The following CACNA1A variants were observed in gnomAD, a reference collection of about 807,000 sequenced individuals.
CACNA1A encodes voltage-dependent P/Q-type calcium channel subunit alpha-1A.
Under a neutral mutation model 262.4 loss-of-function variants are expected in CACNA1A, and 57 were observed. The ratio of observed to expected loss-of-function variants is 0.22; its 90% CI spans 0.18 to 0.27. The LOEUF is 0.27. Among genes scored for constraint, CACNA1A ranks in the 10% least tolerant of loss-of-function variants. The pLI is 1.00. For missense variants in CACNA1A, 2,526 were observed against 3,562.8 expected (o/e 0.71, Z 7.41); for synonymous variants, 1,431 against 1,419.3 (o/e 1.01, Z -0.18).
At chr19:13,466,159 C>T (rs2061232102) in intron 1 of CACNA1A, among the ~76,000 whole-genome samples, 1 of 151,884 alleles carries the variant, frequency 6.6e-6, no homozygotes, top group Non-Finnish European at 1.5e-5. Context: ...GGTTAATTTT[C>T]TGTTATGCAA....
chr19:13,393,824 C>G (rs1295130599), intron 3 of CACNA1A, among the ~76,000 whole-genome samples: 6 of 109,518 alleles, frequency 5.5e-5, no homozygotes, highest in Non-Finnish European at 1.2e-4. Context: ...CTCTCTCTCT[C>G]TCTCTCTCTC....
At chr19:13,381,058 G>A (rs2059515823) in intron 3 of CACNA1A, among the ~76,000 whole-genome samples, 1 of 152,070 alleles carries the variant, frequency 6.6e-6, no homozygotes, top group East Asian at 1.9e-4. Context: ...TTTGAGGCAT[G>A]AGCCACTATG....
intron 3 of CACNA1A, among the ~76,000 whole-genome samples, chr19:13,411,916 A>G (rs745320410): frequency 1.3e-5 from 2 of 151,822 alleles, no homozygotes; most frequent in Non-Finnish European, 2.9e-5. Flanking sequence ...GGGTCTCACT[A>G]TGTTGCCCAG....
At chr19:13,268,893 C>CTTTTT (rs3050832) in intron 24 of CACNA1A, among the ~76,000 whole-genome samples, 114 of 107,912 alleles carry the variant, frequency 1.1e-3, no homozygotes, top group African/African-American at 3.2e-3. Flanking sequence ...ATAGATTCTA[C>CTTTTT]TTTTTTTTTT....
rs34849471 is a variant in CACNA1A, at chr19:13,360,265, G to GTATATATATATATATATATA, written c.785-486_785-467dup. ...ATTAGGTGTCTGTGTGTGTGTGTGT[G>GTATATATATATATATATATA]TATATATATATATATATATATGAAG... On this transcript the variant is annotated intron_variant, in intron 5 of 46. Transcript: ENST00000360228. Among the ~76,000 whole-genome samples the GTATATATATATATATATATA allele has an allele frequency of 5.6e-4, 69 of 124,212 alleles. 1 individual carries two copies. The highest frequency in any genetic ancestry group is 1.4e-3 in the East Asian group (5 of 3,514). 81.5% of individuals were successfully genotyped at this position (124,212 alleles called of 152,430 possible).
intron 4 of CACNA1A, among the ~76,000 whole-genome samples, chr19:13,369,635 CA>C (rs2059283228): frequency 6.6e-6 from 1 of 152,194 alleles, no homozygotes; most frequent in South Asian, 2.1e-4. Flanking sequence ...CATAGGTGGT[CA>C]TTAAACAGAG....
chr19:13,384,098 G>A (rs2059567623), intron 3 of CACNA1A, among the ~76,000 whole-genome samples: 1 of 152,178 alleles, frequency 6.6e-6, no homozygotes, highest in Non-Finnish European at 1.5e-5. Flanking sequence ...TGATAGGCGT[G>A]AGCCACCATG....
chr19:13,261,403 C>T lies in CACNA1A; in HGVS notation c.4250+47G>A, dbSNP rs745608477. 9.3e-6 allele frequency: 14 copies of T among 1,513,390 alleles called. No homozygotes were observed. In the East Asian group the frequency reaches 3.2e-4, roughly 34 times the overall value. The allele number at this position is 1,513,390 out of a possible 1,614,324, so 93.7% of individuals were successfully genotyped here. Reference sequence around the variant, plus strand: ...AATGCCTCTAGCCACTTCCCCCCTGCCCACCTGCTGGTTCCAATGGGAATG... The same window carrying T: ...AATGCCTCTAGCCACTTCCCCCCTGTCCACCTGCTGGTTCCAATGGGAATG... On this transcript the variant is annotated intron_variant, in intron 26 of 46. Transcript: ENST00000360228.
At chr19:13,396,649 AC>A (rs1276615536) in intron 3 of CACNA1A, among the ~76,000 whole-genome samples, 1 of 152,136 alleles carries the variant, frequency 6.6e-6, no homozygotes. Flanking sequence ...ATCCTGCTGT[AC>A]CATGCAGCTC....
chr19:13,346,640 A>T (rs575440902), intron 6 of CACNA1A, among the ~76,000 whole-genome samples: 4 of 10,204 alleles, frequency 3.9e-4, no homozygotes, highest in African/African-American at 1.3e-3. Flanking sequence ...ATATATATAT[A>T]TATATATATA....
At chr19:13,350,463 C>A (rs1286960163) in intron 6 of CACNA1A, among the ~76,000 whole-genome samples, 1 of 152,296 alleles carries the variant, frequency 6.6e-6, no homozygotes, top group African/African-American at 2.4e-5. Context: ...AAAATAATTA[C>A]CCCTTTACTT....
intron 1 of CACNA1A, among the ~76,000 whole-genome samples, chr19:13,477,129 T>C (rs376541501): frequency 1.3e-5 from 2 of 152,200 alleles, no homozygotes; most frequent in Admixed American, 6.5e-5. Context: ...CTGTCACACA[T>C]GTCACATATA....
intron 3 of CACNA1A, among the ~76,000 whole-genome samples, chr19:13,417,804 C>T (rs1222660535): frequency 1.3e-5 from 2 of 150,660 alleles, no homozygotes; most frequent in African/African-American, 2.4e-5. Flanking sequence ...GCAGGAGAAT[C>T]GCTTGAACCC....
chr19:13,209,568 C>A, intron 44 of CACNA1A, 70 bp from the exon 45 acceptor site: 1 of 1,161,272 alleles, frequency 8.6e-7, no homozygotes, highest in Non-Finnish European at 1.1e-6. Flanking sequence ...CCTTCCTGCC[C>A]CATTGTGGCA....
At chr19:13,320,942 T>C (rs2058239041) in intron 10 of CACNA1A, among the ~76,000 whole-genome samples, 1 of 152,124 alleles carries the variant, frequency 6.6e-6, no homozygotes, top group Non-Finnish European at 1.5e-5. Context: ...CGTGTTATTA[T>C]GAAGTACATC....
intron 3 of CACNA1A, among the ~76,000 whole-genome samples, chr19:13,410,475 CA>C (rs1319544635): frequency 6.6e-6 from 1 of 151,448 alleles, no homozygotes; most frequent in Non-Finnish European, 1.5e-5. Flanking sequence ...CTCAGCCTCC[CA>C]AAATGCTGGG....
intron 3 of CACNA1A, among the ~76,000 whole-genome samples, chr19:13,375,794 A>AAAAC (rs370712558): frequency 0.014 from 2,092 of 152,204 alleles, 48 homozygotes; most frequent in African/African-American, 0.047. Flanking sequence ...TCTCAAAAAC[A>AAAAC]AAACAAACAA....
rs755652539 is a variant in CACNA1A at position 13,302,767 on chromosome 19, C to T, written c.2172+779G>A. Among the ~76,000 whole-genome samples the T allele has an allele frequency of 1.2e-4, 18 of 152,200 alleles. 1 individual carries two copies. The highest frequency in any genetic ancestry group is 2.2e-4 in the Non-Finnish European group (15 of 68,030). Reference sequence around the variant, plus strand: ...GTGTGCTTGGGATGGCAGAGACTTCCGCTTCCCTCCACTGGGAGCTGGGGC... The same window carrying T: ...GTGTGCTTGGGATGGCAGAGACTTCTGCTTCCCTCCACTGGGAGCTGGGGC... On this transcript the variant is annotated intron_variant, in intron 17 of 46. Coordinates refer to ENST00000360228, the MANE Select transcript of CACNA1A (RefSeq NM_001127222.2).
chr19:13,412,267 C>G (rs914468547), intron 3 of CACNA1A, among the ~76,000 whole-genome samples: 1 of 151,700 alleles, frequency 6.6e-6, no homozygotes, highest in African/African-American at 2.4e-5. Flanking sequence ...ACTGTGTTGC[C>G]CAGGCTAGAC....
Sources: allele counts gnomAD v4.1 joint callset (sites outside exome capture counted in the v4.1 genomes callset), GRCh38; gene constraint gnomAD v4.1.1; transcripts MANE v1.5; gene names NCBI Gene and HGNC (gene_info 2026-07-23, HGNC 2026-07-21).